SV2C: variants seen among roughly 807,000 people sequenced by gnomAD.
The protein encoded by SV2C is solute carrier family 22 member B3.
A neutral mutation model predicts 79.7 loss-of-function variants in SV2C; 49 were observed. The observed-to-expected ratio is 0.61, with a 90% CI of 0.49 to 0.78. The LOEUF is 0.78. SV2C is among the 30% of genes least tolerant of loss of function. The pLI, the probability that SV2C is intolerant of heterozygous loss-of-function variation, is 0.00. For synonymous variants in SV2C, 334 were observed against 333.2 expected (o/e 1.00, Z -0.03); for missense variants, 833 against 912.9 (o/e 0.91, Z 1.13).
At chr5:76,259,961 C>G (rs1746409318) in intron 4 of SV2C, among the ~76,000 whole-genome samples, 1 of 152,112 alleles carries the variant, frequency 6.6e-6, no homozygotes, top group Non-Finnish European at 1.5e-5. Flanking sequence ...GATATATACC[C>G]AGTAATGGGA....
intron 1 of SV2C, among the ~76,000 whole-genome samples, chr5:76,102,152 G>A (rs1329969190): frequency 6.6e-6 from 1 of 152,176 alleles, no homozygotes; most frequent in African/African-American, 2.4e-5. Context: ...CACCATGTCT[G>A]TTCTTGTGTT....
At chr5:76,227,066 A>T (rs1453676126) in intron 4 of SV2C, among the ~76,000 whole-genome samples, 1 of 152,192 alleles carries the variant, frequency 6.6e-6, no homozygotes, top group Non-Finnish European at 1.5e-5. Flanking sequence ...TCCGGGAGGG[A>T]TGGAAAGACA....
chr5:76,166,167 C>G (rs549229877), intron 2 of SV2C, among the ~76,000 whole-genome samples: 1 of 152,112 alleles, frequency 6.6e-6, no homozygotes, highest in Admixed American at 6.6e-5. Context: ...AAAGATACCC[C>G]GTGGTCAAAA....
At chr5:76,109,902 A>G (rs1263502840) in intron 1 of SV2C, among the ~76,000 whole-genome samples, 2 of 152,334 alleles carry the variant, frequency 1.3e-5, no homozygotes, top group East Asian at 3.9e-4. Flanking sequence ...GAAAAGGAGT[A>G]CTGGGGAACT....
At chr5:75,921,322 G>A in the SV2C span, 7 of 1,271,222 alleles carry the variant, frequency 5.5e-6, no homozygotes, top group South Asian at 7.2e-5. Context: ...GGTGCTGGCT[G>A]GTGGAGCTCA....
intron 2 of SV2C, among the ~76,000 whole-genome samples, chr5:76,136,089 T>C (rs1462393736): frequency 6.6e-6 from 1 of 152,254 alleles, no homozygotes; most frequent in Non-Finnish European, 1.5e-5. Flanking sequence ...GGAACTAAAA[T>C]ATTATCACAG....
rs572045882 is a variant in SV2C, at chr5:76,314,032, G to A, written c.2001-11332G>A. 4.4e-4 allele frequency among the ~76,000 whole-genome samples: 67 copies of A among 152,226 alleles called. 1 individual carries two copies. Among genetic ancestry groups the A allele is most frequent in the African/African-American group, 1.5e-3 (61 of 41,530 alleles). On this transcript the variant is annotated intron_variant, in intron 12 of 12. Transcript: ENST00000502798. ...ATTGTTTATACTGAAGTACTTAAAG[G>A]AAATTATCACCCAGACCTTATGATG...
intron 12 of SV2C, among the ~76,000 whole-genome samples, chr5:76,315,527 C>A (rs914781022): frequency 9.9e-5 from 15 of 152,098 alleles, no homozygotes; most frequent in African/African-American, 3.1e-4. Context: ...CAAAGGCTAC[C>A]CAGCTCCACT....
At chr5:76,230,793 G>GAA (rs377572907) in intron 4 of SV2C, among the ~76,000 whole-genome samples, 16,189 of 147,874 alleles carry the variant, frequency 0.11, 2,542 homozygotes, top group African/African-American at 0.36. Flanking sequence ...TGTCTCAGAA[G>GAA]AAAAAAAAAG....
At chr5:75,866,103 C>T in the SV2C span, among the ~76,000 whole-genome samples, 1 of 152,128 alleles carries the variant, frequency 6.6e-6, no homozygotes, top group Non-Finnish European at 1.5e-5. Context: ...ATGGGGGATT[C>T]AGTGAAGGTG....
the SV2C span, among the ~76,000 whole-genome samples, chr5:75,857,203 T>C: frequency 0.071 from 10,796 of 151,884 alleles, 857 homozygotes; most frequent in African/African-American, 0.2. Flanking sequence ...GTGATCCGCC[T>C]GCCTCGGCCT....
At chr5:76,074,346 A>T in the SV2C span, among the ~76,000 whole-genome samples, 1,795 of 152,270 alleles carry the variant, frequency 0.012, 33 homozygotes, top group African/African-American at 0.036. Context: ...GGACTGAGAC[A>T]TGAGGAACAT....
chr5:76,108,100 C>T (rs1747982454), intron 1 of SV2C, among the ~76,000 whole-genome samples: 1 of 152,094 alleles, frequency 6.6e-6, no homozygotes, highest in Non-Finnish European at 1.5e-5. Flanking sequence ...GGATGTTGGT[C>T]TACATGGAGC....
intron 2 of SV2C, among the ~76,000 whole-genome samples, chr5:76,180,717 G>A (rs1380334873): frequency 6.6e-6 from 1 of 152,102 alleles, no homozygotes; most frequent in Non-Finnish European, 1.5e-5. Flanking sequence ...CCTTGCCAGT[G>A]ACCTCTTCCA....
chr5:76,119,691 C>G (rs1167200265), intron 1 of SV2C, among the ~76,000 whole-genome samples: 1 of 150,418 alleles, frequency 6.6e-6, no homozygotes, highest in Non-Finnish European at 1.5e-5. Flanking sequence ...GAGGCAAACT[C>G]AAAACCCTAT....
At chr5:76,352,448 G>T (rs964080056) in intron 12 of SV2C, among the ~76,000 whole-genome samples, 2 of 152,150 alleles carry the variant, frequency 1.3e-5, no homozygotes, top group East Asian at 3.8e-4. Context: ...ATGGATTAAC[G>T]TTATCTCAAG....
At chr5:76,120,544 T>A (rs1436480640) in intron 1 of SV2C, among the ~76,000 whole-genome samples, 72 of 114,024 alleles carry the variant, frequency 6.3e-4, no homozygotes, top group Middle Eastern at 5.3e-3. Context: ...CAGTCCCCAG[T>A]GTGTGATGTT....
chr5:76,050,970 A>G, the SV2C span, among the ~76,000 whole-genome samples: 1 of 152,266 alleles, frequency 6.6e-6, no homozygotes, highest in Non-Finnish European at 1.5e-5. Flanking sequence ...TAAAAAGTAA[A>G]GTATGAATAC....
chr5:76,264,235 C>A (rs1320822676), intron 4 of SV2C, among the ~76,000 whole-genome samples: 1 of 151,722 alleles, frequency 6.6e-6, no homozygotes, highest in Non-Finnish European at 1.5e-5. Context: ...GCTATTGATA[C>A]TTGTGTATGC....
Sources: allele counts gnomAD v4.1 joint callset (sites outside exome capture counted in the v4.1 genomes callset), GRCh38; gene constraint gnomAD v4.1.1; transcripts MANE v1.5; gene names NCBI Gene and HGNC (gene_info 2026-07-23, HGNC 2026-07-21).